CDKAL1: variants seen among roughly 807,000 people sequenced by gnomAD.
The protein encoded by CDKAL1 is CDKAL1 threonylcarbamoyladenosine tRNA methylthiotransferase.
A neutral mutation model predicts 68.2 loss-of-function variants in CDKAL1; 32 were observed. That is an observed-to-expected ratio of 0.47 (90% confidence interval 0.35 to 0.63). The LOEUF is 0.63. CDKAL1 is among the 30% of genes least tolerant of loss of function. CDKAL1 has a pLI of 0.00. For missense variants in CDKAL1, 606 were observed against 696.7 expected, an observed-to-expected ratio of 0.87 and a Z score of 1.47; for synonymous variants, 234 against 244.3, an observed-to-expected ratio of 0.96 and a Z score of 0.39.
chr6:20,734,256 C>T (rs1398933268), intron 5 of CDKAL1, among the ~76,000 whole-genome samples: 2 of 151,490 alleles, frequency 1.3e-5, no homozygotes, highest in Admixed American at 6.6e-5. Flanking sequence ...TTCTATATTA[C>T]TCAAGTTAAT....
chr6:20,988,423 C>T (rs780170133), intron 10 of CDKAL1, among the ~76,000 whole-genome samples: 55 of 152,112 alleles, frequency 3.6e-4, no homozygotes, highest in Non-Finnish European at 4.4e-4. Context: ...CCTGTCAACA[C>T]GTAACATTCA....
At chr6:20,669,888 G>T (rs1385770156) in intron 5 of CDKAL1, among the ~76,000 whole-genome samples, 1 of 151,816 alleles carries the variant, frequency 6.6e-6, no homozygotes, top group Admixed American at 6.6e-5. Flanking sequence ...GGCACTCTTA[G>T]TAGACTTAAA....
At chr6:20,789,214 T>C (rs985564474) in intron 8 of CDKAL1, among the ~76,000 whole-genome samples, 3 of 152,246 alleles carry the variant, frequency 2.0e-5, no homozygotes, top group Non-Finnish European at 2.9e-5. Flanking sequence ...TGCAGCCTTT[T>C]TTATGTCTTC....
chr6:21,192,966 G>A (rs145331957), intron 13 of CDKAL1, among the ~76,000 whole-genome samples: 11 of 151,908 alleles, frequency 7.2e-5, no homozygotes, highest in South Asian at 2.1e-4. Context: ...ACAGGTGTGC[G>A]CCACCACACC....
intron 8 of CDKAL1, among the ~76,000 whole-genome samples, chr6:20,828,212 T>C (rs1447531809): frequency 1.3e-5 from 2 of 152,140 alleles, no homozygotes; most frequent in Non-Finnish European, 2.9e-5. Context: ...TAAATAGTAC[T>C]GTAATGCCTG....
intron 12 of CDKAL1, 85 bp downstream of exon 12, chr6:21,065,313 C>T: frequency 1.9e-6 from 2 of 1,049,080 alleles, no homozygotes; most frequent in Non-Finnish European, 2.8e-6. Flanking sequence ...ACAACTTGCT[C>T]ATGTTATAAC....
chr6:21,015,328 C>A (rs1487596723), intron 11 of CDKAL1, among the ~76,000 whole-genome samples: 1 of 152,098 alleles, frequency 6.6e-6, no homozygotes, highest in Non-Finnish European at 1.5e-5. Flanking sequence ...AAACAGATTT[C>A]TTTTTCCTCA....
chr6:20,971,914 A>C (rs188250669), intron 10 of CDKAL1, among the ~76,000 whole-genome samples: 50 of 152,210 alleles, frequency 3.3e-4, no homozygotes, highest in African/African-American at 1.2e-3. Flanking sequence ...TTGAATTAAA[A>C]AAAATAACGT....
At position 21,043,185 on chromosome 6, in the gene CDKAL1, T is replaced by C. The variant is rs555552373; in HGVS notation, c.1056-21863T>C. On this transcript the variant is annotated intron_variant, in intron 11 of 15. Transcript: ENST00000274695. ...ATAGCATCTTATTGTCTTTAGCACA[T>C]AGCACAGTTATAGAGCATAGAATGT... Among the ~76,000 whole-genome samples, 5 of 152,322 alleles carry C rather than the reference T, an allele frequency of 3.3e-5. No homozygotes were observed. The South Asian group carries it at 8.3e-4, about 25-fold the overall frequency.
intron 12 of CDKAL1, among the ~76,000 whole-genome samples, chr6:21,096,735 C>G (rs921592580): frequency 6.6e-6 from 1 of 152,110 alleles, no homozygotes; most frequent in Non-Finnish European, 1.5e-5. Context: ...TGCTGTCACC[C>G]TTCCTAATTT....
chr6:20,563,444 G>A (rs1276850311), intron 4 of CDKAL1, among the ~76,000 whole-genome samples: 2 of 152,128 alleles, frequency 1.3e-5, no homozygotes, highest in African/African-American at 4.8e-5. Context: ...ATTTGTAACG[G>A]CTTTTTATAT....
intron 4 of CDKAL1, among the ~76,000 whole-genome samples, chr6:20,557,364 T>G (rs1581722105): frequency 6.6e-6 from 1 of 152,196 alleles, no homozygotes; most frequent in African/African-American, 2.4e-5. Flanking sequence ...ATGCAAGGTG[T>G]GACCATCAGC....
At chr6:21,041,457 C>T (rs368259404) in intron 11 of CDKAL1, among the ~76,000 whole-genome samples, 2 of 151,884 alleles carry the variant, frequency 1.3e-5, no homozygotes, top group African/African-American at 2.4e-5. Context: ...AAAAAGTAAT[C>T]GAAACAGAAG....
chr6:20,645,259 A>T (rs997366570), intron 4 of CDKAL1, among the ~76,000 whole-genome samples: 5 of 152,196 alleles, frequency 3.3e-5, no homozygotes. Context: ...CTAAATTTAT[A>T]CAAAATATTT....
chr6:20,678,869 A>G (rs1364391228), intron 5 of CDKAL1, among the ~76,000 whole-genome samples: 1 of 152,064 alleles, frequency 6.6e-6, no homozygotes, highest in African/African-American at 2.4e-5. Context: ...TTCATTTATA[A>G]CTTCTAAATG....
At chr6:21,132,521 CT>C (rs67741712) in intron 13 of CDKAL1, among the ~76,000 whole-genome samples, 17,271 of 151,296 alleles carry the variant, frequency 0.11, 1,018 homozygotes, top group Middle Eastern at 0.14. Context: ...GTAGTCATTC[CT>C]TTTTTTTATT....
intron 8 of CDKAL1, among the ~76,000 whole-genome samples, chr6:20,836,434 G>A (rs1392552053): frequency 2.0e-5 from 3 of 152,122 alleles, no homozygotes; most frequent in Admixed American, 2.0e-4. Context: ...AATAGAATCT[G>A]GGAATCCAGG....
intron 8 of CDKAL1, among the ~76,000 whole-genome samples, chr6:20,804,332 T>C (rs9465895): frequency 0.21 from 31,695 of 152,002 alleles, 3,426 homozygotes; most frequent in Middle Eastern, 0.29. Flanking sequence ...AGAGAGAAAA[T>C]AGAATGAGAG....
chr6:20,742,814 A>G (rs1428176929), intron 6 of CDKAL1, among the ~76,000 whole-genome samples: 2 of 151,946 alleles, frequency 1.3e-5, no homozygotes, highest in Non-Finnish European at 2.9e-5. Flanking sequence ...TAAGATTATT[A>G]TTTGTTAATA....
Sources: allele counts gnomAD v4.1 joint callset (sites outside exome capture counted in the v4.1 genomes callset), GRCh38; gene constraint gnomAD v4.1.1; transcripts MANE v1.5; gene names NCBI Gene and HGNC (gene_info 2026-07-23, HGNC 2026-07-21).